Variants in KALRN observed in about 807,000 individuals in gnomAD.
The protein encoded by KALRN is kalirin RhoGEF kinase.
In KALRN, 70 loss-of-function variants were observed where a neutral mutation model predicts 353.7. That is an observed-to-expected ratio of 0.20 (90% CI 0.16 to 0.24). The LOEUF (loss-of-function observed/expected upper bound fraction) is 0.24, where lower values mean the gene tolerates loss of function less well. Ranked by LOEUF, KALRN falls within the 10% of genes least tolerant of loss-of-function variation. The pLI is 1.00. For synonymous variants in KALRN, 1,391 were observed against 1,434.8 expected (o/e 0.97, Z 0.69); for missense variants, 2,791 against 3,756.7 (o/e 0.74, Z 6.72).
intron 47 of KALRN, among the ~76,000 whole-genome samples, chr3:124,670,643 TG>T (rs1262570402): frequency 6.6e-6 from 1 of 152,224 alleles, no homozygotes; most frequent in African/African-American, 2.4e-5. Flanking sequence ...AGAAGTTCTC[TG>T]GGCCCCAGCT....
intron 34 of KALRN, among the ~76,000 whole-genome samples, chr3:124,597,973 G>A (rs1561381422): frequency 6.6e-6 from 1 of 152,186 alleles, no homozygotes; most frequent in Admixed American, 6.5e-5. Context: ...GGAACAGGGA[G>A]GGTGGAGTAC....
intron 1 of KALRN, among the ~76,000 whole-genome samples, chr3:124,103,283 C>T (rs1041715808): frequency 6.6e-6 from 1 of 152,128 alleles, no homozygotes; most frequent in Non-Finnish European, 1.5e-5. Flanking sequence ...GTGGTGTTTC[C>T]ATCCAGTGGG....
chr3:124,174,406 C>T (rs1281760339), intron 1 of KALRN, among the ~76,000 whole-genome samples: 1 of 152,072 alleles, frequency 6.6e-6, no homozygotes, highest in Non-Finnish European at 1.5e-5. Context: ...TGCACTCCAG[C>T]CTGGGCGACA....
intron 33 of KALRN, among the ~76,000 whole-genome samples, chr3:124,500,717 T>A (rs2064418207): frequency 6.6e-6 from 1 of 152,244 alleles, no homozygotes; most frequent in Non-Finnish European, 1.5e-5. Context: ...AAAGTGGTAG[T>A]TCCCCAAGGG....
At chr3:124,568,175 T>C (rs536327803) in intron 34 of KALRN, among the ~76,000 whole-genome samples, 13 of 152,220 alleles carry the variant, frequency 8.5e-5, no homozygotes, top group African/African-American at 2.4e-4. Context: ...AAACTAAATT[T>C]AAAAATGGAC....
chr3:124,607,442 T>C (rs2077464789), intron 34 of KALRN, among the ~76,000 whole-genome samples: 1 of 152,328 alleles, frequency 6.6e-6, no homozygotes, highest in East Asian at 1.9e-4. Context: ...GGGAAGTAAC[T>C]GGGAGTAAGT....
chr3:124,471,393 C>G (rs1454854511), intron 25 of KALRN, among the ~76,000 whole-genome samples: 5 of 151,754 alleles, frequency 3.3e-5, no homozygotes, highest in African/African-American at 1.2e-4. Flanking sequence ...TCAAGCGATT[C>G]TCCTGCCTCA....
intron 4 of KALRN, among the ~76,000 whole-genome samples, chr3:124,265,238 G>T (rs2073362493): frequency 6.8e-6 from 1 of 146,980 alleles, no homozygotes; most frequent in Non-Finnish European, 1.5e-5. Flanking sequence ...TTGAATACTA[G>T]AACTTATTCC....
At chr3:124,048,336 T>A (rs1054477396) in intron 1 of KALRN, among the ~76,000 whole-genome samples, 1 of 152,238 alleles carries the variant, frequency 6.6e-6, no homozygotes, top group Non-Finnish European at 1.5e-5. Flanking sequence ...TATACATGCA[T>A]GCACCTGTTG....
At chr3:124,060,381 A>G (rs1387897268) in intron 1 of KALRN, among the ~76,000 whole-genome samples, 2 of 152,206 alleles carry the variant, frequency 1.3e-5, no homozygotes, top group African/African-American at 4.8e-5. Flanking sequence ...AGGTGTTAAT[A>G]TATAAAATGC....
chr3:124,630,513 C>T (rs2080649581), intron 34 of KALRN, among the ~76,000 whole-genome samples: 1 of 152,126 alleles, frequency 6.6e-6, no homozygotes, highest in South Asian at 2.1e-4. Context: ...TCTCCTGCCT[C>T]AGCCTCCTGG....
chr3:124,129,974 A>G (rs1406432071), intron 1 of KALRN, among the ~76,000 whole-genome samples: 2 of 152,254 alleles, frequency 1.3e-5, no homozygotes, highest in African/African-American at 4.8e-5. Flanking sequence ...TATGTGCTTT[A>G]TAAATGTGTA....
At chr3:124,489,465 T>G (rs564577266) in intron 29 of KALRN, among the ~76,000 whole-genome samples, 1 of 152,312 alleles carries the variant, frequency 6.6e-6, no homozygotes, top group Admixed American at 6.5e-5. Flanking sequence ...TTGGGAGACT[T>G]GATACGGTCT....
intron 1 of KALRN, among the ~76,000 whole-genome samples, chr3:124,143,797 C>T (rs1177092660): frequency 6.6e-6 from 1 of 152,116 alleles, no homozygotes; most frequent in African/African-American, 2.4e-5. Context: ...TAAAAAGGCT[C>T]TAATGTATAT....
chr3:124,413,793 AC>A, intron 14 of KALRN, 128 bp downstream of exon 14: 1 of 813,082 alleles, frequency 1.2e-6, no homozygotes, highest in South Asian at 2.1e-5. Flanking sequence ...AGAGATTTTT[AC>A]CCACATTTTT....
rs78260559 is a variant in KALRN at position 124,460,081 on chromosome 3, C to T, written c.3855-1809C>T. Among the ~76,000 whole-genome samples the T allele has an allele frequency of 2.6e-3, 397 of 152,300 alleles. 5 individuals carry two copies. The highest frequency in any genetic ancestry group is 8.6e-3 in the African/African-American group (358 of 41,566). On this transcript the variant is annotated intron_variant, in intron 23 of 59. Coordinates refer to ENST00000682506, the MANE Select transcript of KALRN (RefSeq NM_001388419.1). ...TTGTAGATGGCTGTTTCCGTGCTCACGTGGCATAATCCCAGAATATATGCC... is the reference window on the plus strand; with the variant it reads ...TTGTAGATGGCTGTTTCCGTGCTCATGTGGCATAATCCCAGAATATATGCC...
At chr3:124,405,323 C>T (rs572562057) in intron 13 of KALRN, among the ~76,000 whole-genome samples, 3 of 152,248 alleles carry the variant, frequency 2.0e-5, no homozygotes, top group Admixed American at 1.3e-4. Flanking sequence ...GGCTGTGGAC[C>T]TGAACTCAAG....
intron 33 of KALRN, among the ~76,000 whole-genome samples, chr3:124,531,602 G>T (rs768376838): frequency 6.6e-6 from 1 of 152,164 alleles, no homozygotes; most frequent in African/African-American, 2.4e-5. Context: ...GGAGGCCTCA[G>T]GAAACTTACA....
chr3:124,686,625 T>C (rs2061568883), intron 51 of KALRN, among the ~76,000 whole-genome samples: 2 of 151,924 alleles, frequency 1.3e-5, no homozygotes. Flanking sequence ...CTGTAGGAGA[T>C]AAAGCCTGGC....
Sources: gnomAD v4.1 joint callset for allele counts (sites outside exome capture counted in the v4.1 genomes callset) on GRCh38, gnomAD v4.1.1 for gene constraint, MANE v1.5 for transcripts, NCBI Gene and HGNC (gene_info 2026-07-23, HGNC 2026-07-21) for gene names.